The following BPTF variants were observed in gnomAD, a reference collection of about 807,000 sequenced individuals.
BPTF encodes nucleosome-remodeling factor subunit BPTF.
A neutral mutation model predicts 292.5 loss-of-function variants in BPTF; 18 were observed. The ratio of observed to expected loss-of-function variants is 0.06; its 90% CI spans 0.04 to 0.09. BPTF has a LOEUF of 0.09. BPTF is among the 10% of genes least tolerant of loss of function. BPTF has a pLI of 1.00. For missense variants in BPTF, 2,726 were observed against 3,498.7 expected, an observed-to-expected ratio of 0.78 and a Z score of 5.57; for synonymous variants, 1,225 against 1,251.9, an observed-to-expected ratio of 0.98 and a Z score of 0.45.
chr17:67,846,187 C>G (rs1486446386), intron 1 of BPTF, among the ~76,000 whole-genome samples: 2 of 152,096 alleles, frequency 1.3e-5, no homozygotes, highest in East Asian at 3.9e-4. Flanking sequence ...TCCAAACATT[C>G]AGAAAAGTTT....
chr17:67,926,325 T>C (rs2063890867), intron 15 of BPTF, among the ~76,000 whole-genome samples: 1 of 123,352 alleles, frequency 8.1e-6, no homozygotes, highest in African/African-American at 3.4e-5. Context: ...ACTTTTTTTT[T>C]TTTTTTTTTT....
intron 15 of BPTF, among the ~76,000 whole-genome samples, chr17:67,927,271 TGAAATAAATTTCACCTG>T (rs1227994238): frequency 6.6e-6 from 1 of 152,226 alleles, no homozygotes; most frequent in Non-Finnish European, 1.5e-5. Context: ...CCACCAGGTT[TGAAATAAATTTCACCTG>T]TTGTTTTACA....
At chr17:67,938,105 C>A (rs534562377) in intron 18 of BPTF, among the ~76,000 whole-genome samples, 8 of 152,306 alleles carry the variant, frequency 5.3e-5, no homozygotes, top group Non-Finnish European at 8.8e-5. Flanking sequence ...ACTTCACAGA[C>A]CCTCGGAGTA....
chr17:67,934,321 T>C (rs9897042), intron 18 of BPTF, among the ~76,000 whole-genome samples: 17,941 of 151,262 alleles, frequency 0.12, 3,514 homozygotes, highest in African/African-American at 0.41. Flanking sequence ...AGTTCGAGAC[T>C]AGCCTGGCCA....
At chr17:67,923,471 CTTTTTTTTTTTTTTTTTTT>C (rs58462646) in intron 14 of BPTF, among the ~76,000 whole-genome samples, 3 of 67,494 alleles carry the variant, frequency 4.4e-5, no homozygotes, top group African/African-American at 1.8e-4. Context: ...CTCTCTCTGT[CTTTTTTTTTTTTTTTTTTT>C]TTTTTTTTTT....
intron 2 of BPTF, among the ~76,000 whole-genome samples, chr17:67,858,015 T>A (rs919363872): frequency 4.0e-5 from 6 of 150,808 alleles, no homozygotes; most frequent in Non-Finnish European, 7.4e-5. Flanking sequence ...CTCGAACTCC[T>A]GACCTTGTGA....
chr17:67,835,932 T>G (rs2057098664), intron 1 of BPTF, among the ~76,000 whole-genome samples: 1 of 152,136 alleles, frequency 6.6e-6, no homozygotes, highest in Non-Finnish European at 1.5e-5. Context: ...CCCAAAGTGC[T>G]GGGATTACAG....
At chr17:67,844,331 T>A (rs2057851849) in intron 1 of BPTF, among the ~76,000 whole-genome samples, 1 of 150,190 alleles carries the variant, frequency 6.7e-6, no homozygotes, top group Non-Finnish European at 1.5e-5. Context: ...CACTGCAAGC[T>A]CTATCTCCTA....
intron 23 of BPTF, 83 bp from the exon 24 acceptor site, chr17:67,959,458 G>A (rs1393589085): frequency 2.8e-6 from 3 of 1,090,702 alleles, no homozygotes; most frequent in African/African-American, 3.2e-5. Flanking sequence ...TTTGACAAGA[G>A]TGGGTAGTGT....
intron 1 of BPTF, among the ~76,000 whole-genome samples, chr17:67,829,021 G>A (rs553798110): frequency 7.8e-4 from 119 of 152,298 alleles, no homozygotes; most frequent in Non-Finnish European, 1.4e-3. Flanking sequence ...AATAGATGAA[G>A]TTTTGATAAC....
chr17:67,936,494 A>C (rs1028082463), intron 18 of BPTF: 1 of 152,208 alleles, frequency 6.6e-6, no homozygotes, highest in East Asian at 1.9e-4. Context: ...CCTTTGTTGC[A>C]TAATGCCCTA....
intron 23 of BPTF, among the ~76,000 whole-genome samples, chr17:67,953,506 C>T (rs1417593546): frequency 3.3e-5 from 5 of 151,878 alleles, no homozygotes; most frequent in Admixed American, 6.6e-5. Context: ...GATCCACCCA[C>T]TGCAGCCTCC....
At chr17:67,896,938 AAAAC>A (rs1396088854) in intron 7 of BPTF, among the ~76,000 whole-genome samples, 1 of 152,214 alleles carries the variant, frequency 6.6e-6, no homozygotes, top group Non-Finnish European at 1.5e-5. Context: ...GATGAAATAG[AAAAC>A]AAATATACCT....
chr17:67,946,134 C>T lies in BPTF; in HGVS notation c.7426C>T (p.Gln2476Ter), dbSNP rs1436098298. ...CAAACTCCAGTTACCTATCCAAATT[C>T]AGCAAAGCAGTGCTGTGCAGACTCA... ...QIKLQLPIQIQQSSAVQTHQI... is the reference protein window; with the variant it reads ...QIKLQLPIQI The change falls in exon 21 of 28, where the codon CAG (glutamine) becomes TAG (stop). Residue 2476 changes from glutamine to a stop codon, truncating the protein, a stop_gained. Coordinates refer to ENST00000306378, the MANE Select transcript of BPTF (RefSeq NM_182641.4). LOFTEE classifies it high-confidence loss of function. 6.2e-7 allele frequency: 1 copy of T among 1,614,066 alleles called. No homozygotes were observed. The highest frequency in any genetic ancestry group is 8.5e-7 in the Non-Finnish European group (1 of 1,180,034).
At chr17:67,974,422 C>G (rs1372517696) in intron 26 of BPTF, 1 of 152,114 alleles carries the variant, frequency 6.6e-6, no homozygotes, top group East Asian at 1.9e-4. Context: ...AGCCTCAGAC[C>G]CCACCTGAGT....
At chr17:67,950,400 G>A (rs913715861) in intron 23 of BPTF, among the ~76,000 whole-genome samples, 4 of 152,052 alleles carry the variant, frequency 2.6e-5, no homozygotes, top group Admixed American at 6.6e-5. Context: ...AACAATCAAC[G>A]TTATTATTTA....
rs374632412 is a variant in BPTF, at chr17:67,911,819, A to G, written c.3935A>G (p.Asn1312Ser). The G allele has an allele frequency of 2.2e-5, 36 of 1,614,080 alleles. No individual in the cohort carries two copies. In the Middle Eastern group the frequency reaches 9.9e-4, roughly 44 times the overall value. Residue 1312 changes from asparagine to serine, a missense_variant, in exon 11 of 28, where the codon AAT (asparagine) becomes AGT (serine). Coordinates refer to ENST00000306378, the MANE Select transcript of BPTF (RefSeq NM_182641.4). Reference protein sequence around the residue: ...SEEDMIVQNSNESISEQFRTR... With the variant: ...SEEDMIVQNSSESISEQFRTR... ...GAAGATATGATTGTTCAGAATAGCA[A>G]TGAAAGCATTTCTGAACAGTTCAGA...
chr17:67,926,959 C>T (rs1368853389), intron 15 of BPTF, among the ~76,000 whole-genome samples: 2 of 151,646 alleles, frequency 1.3e-5, no homozygotes, highest in African/African-American at 4.8e-5. Context: ...GATGATGTCT[C>T]TAAGAGTTGA....
At chr17:67,924,637 T>A in intron 15 of BPTF, 48 bp downstream of exon 15, 1 of 1,589,764 alleles carries the variant, frequency 6.3e-7, no homozygotes, top group Non-Finnish European at 8.5e-7. Context: ...AAATGGAGGC[T>A]CTTTCAAAAC....
Sources: allele counts gnomAD v4.1 joint callset (sites outside exome capture counted in the v4.1 genomes callset), GRCh38; gene constraint gnomAD v4.1.1; transcripts MANE v1.5; gene names NCBI Gene and HGNC (gene_info 2026-07-23, HGNC 2026-07-21).